The following APELA variants were observed in gnomAD, a reference collection of about 807,000 sequenced individuals.
APELA encodes protein Elabela.
At chr4:164,885,664 C>G (rs112218236) in intron 2 of APELA, among the ~76,000 whole-genome samples, 1 of 151,902 alleles carries the variant, frequency 6.6e-6, no homozygotes, top group Non-Finnish European at 1.5e-5. Context: ...TCACTTGAAC[C>G]CAGGAGGCGG....
At chr4:164,884,302 T>A in intron 2 of APELA, among the ~76,000 whole-genome samples, 1 of 152,160 alleles carries the variant, frequency 6.6e-6, no homozygotes, top group Non-Finnish European at 1.5e-5. Context: ...GTTCTCTTCA[T>A]CTCTTCAAAG....
chr4:164,898,470 C>G (rs970431821), downstream of APELA, among the ~76,000 whole-genome samples: 1 of 150,024 alleles, frequency 6.7e-6, no homozygotes, highest in Non-Finnish European at 1.5e-5. Context: ...CCATTGCACT[C>G]CAGCCTGGGC....
chr4:164,882,907 A>G (rs1262111572), intron 2 of APELA, among the ~76,000 whole-genome samples: 1 of 152,160 alleles, frequency 6.6e-6, no homozygotes, highest in East Asian at 1.9e-4. Context: ...CCATGTCCCT[A>G]CAAAGGACAT....
intron 2 of APELA, among the ~76,000 whole-genome samples, chr4:164,882,577 A>ACAT (rs901064436): frequency 1.1e-4 from 16 of 150,918 alleles, no homozygotes; most frequent in Admixed American, 2.0e-4. Context: ...GTCTTTTAAT[A>ACAT]CATTATTATT....
At chr4:164,882,505 T>C (rs1730672853) in intron 2 of APELA, among the ~76,000 whole-genome samples, 1 of 152,200 alleles carries the variant, frequency 6.6e-6, no homozygotes, top group African/African-American at 2.4e-5. Flanking sequence ...TTCCCCATCC[T>C]ACCCTATTGC....
intron 2 of APELA, among the ~76,000 whole-genome samples, chr4:164,894,457 C>T (rs1276789713): frequency 6.6e-6 from 1 of 151,456 alleles, no homozygotes; most frequent in Admixed American, 6.6e-5. Flanking sequence ...TGCTCTGTCA[C>T]CCAGGCTGGA....
At position 164,897,369 on chromosome 4, in the gene APELA, C is replaced by T. The variant is rs974812993; in HGVS notation, c.*1955C>T. On this transcript the variant is annotated 3_prime_UTR_variant, in exon 3 of 3. Transcript: ENST00000507152. ...ATATTTTGTACTGAAAAAGAAAACA[C>T]TTTATAGTCAAGATACATCTCATTC... 6.6e-6 allele frequency: 1 copy of T among 152,160 alleles called. No homozygotes were observed. Among genetic ancestry groups the T allele is most frequent in the African/African-American group, 2.4e-5 (1 of 41,436 alleles). 9.4% of individuals were successfully genotyped at this position (152,160 alleles called of 1,614,324 possible).
At chr4:164,893,188 T>A (rs1560861386) in intron 2 of APELA, among the ~76,000 whole-genome samples, 2 of 152,174 alleles carry the variant, frequency 1.3e-5, no homozygotes, top group Non-Finnish European at 2.9e-5. Flanking sequence ...TTAAGTGAAA[T>A]GTTAGGTATT....
chr4:164,895,233 T>C (rs1308728378), intron 2 of APELA, among the ~76,000 whole-genome samples, 183 bp from the exon 3 acceptor site: 1 of 152,182 alleles, frequency 6.6e-6, no homozygotes, highest in Non-Finnish European at 1.5e-5. Flanking sequence ...TTCAGCCTTT[T>C]AAAGACACAT....
intron 2 of APELA, among the ~76,000 whole-genome samples, chr4:164,885,753 A>G (rs1730758270): frequency 6.6e-6 from 1 of 152,002 alleles, no homozygotes; most frequent in Non-Finnish European, 1.5e-5. Flanking sequence ...AAAAAAAAAG[A>G]TGAAATGAAA....
At chr4:164,884,121 G>GAAAGAAAGGA (rs5863729) in intron 2 of APELA, among the ~76,000 whole-genome samples, 1 of 113,290 alleles carries the variant, frequency 8.8e-6, no homozygotes, top group African/African-American at 3.7e-5. Flanking sequence ...AAGAAAGAAA[G>GAAAGAAAGGA]AGAAAGAAAG....
chr4:164,882,606 A>G (rs1730674594), intron 2 of APELA, among the ~76,000 whole-genome samples: 1 of 151,856 alleles, frequency 6.6e-6, no homozygotes, highest in Non-Finnish European at 1.5e-5. Context: ...TAATTTCATT[A>G]TTATTATACT....
rs1730979533 is a variant in APELA at position 164,896,522 on chromosome 4, G to A, written c.*1108G>A. 6.6e-6 allele frequency: 1 copy of A among 151,926 alleles called. No homozygotes were observed. The highest frequency in any genetic ancestry group is 2.1e-4 in the South Asian group (1 of 4,808). The allele number at this position is 151,926 out of a possible 1,614,324, so 9.4% of individuals were successfully genotyped here. ...GGTGATATCTGTATCTAAAAGATGAGTGCTCATCATCCTATTAGGCTTTGT... is the reference window on the plus strand; with the variant it reads ...GGTGATATCTGTATCTAAAAGATGAATGCTCATCATCCTATTAGGCTTTGT... On this transcript the variant is annotated 3_prime_UTR_variant, in exon 3 of 3. Transcript: ENST00000507152.
chr4:164,887,000 G>C (rs941292626), intron 2 of APELA, among the ~76,000 whole-genome samples: 1 of 151,562 alleles, frequency 6.6e-6, no homozygotes, highest in East Asian at 1.9e-4. Context: ...TAATTTTTTT[G>C]TATTTTTAGT....
intron 2 of APELA, among the ~76,000 whole-genome samples, chr4:164,888,560 T>C (rs1730822260): frequency 6.6e-6 from 1 of 152,200 alleles, no homozygotes; most frequent in African/African-American, 2.4e-5. Flanking sequence ...CTGGGCTGGT[T>C]GCTGCAGTTT....
chr4:164,898,486 G>A (rs1466609841), downstream of APELA, among the ~76,000 whole-genome samples: 1 of 136,804 alleles, frequency 7.3e-6, no homozygotes, highest in Non-Finnish European at 1.5e-5. Context: ...TGGGCAACAA[G>A]AGCAAAACTC....
intron 2 of APELA, among the ~76,000 whole-genome samples, chr4:164,884,115 AAGAAAG>A (rs202240033): frequency 0.24 from 11,882 of 49,336 alleles, 665 homozygotes; most frequent in African/African-American, 0.3. Flanking sequence ...GAAAGAAAGA[AAGAAAG>A]AGAAAGAAAG....
chr4:164,898,840 C>T (rs1731024324), downstream of APELA: 1 of 152,022 alleles, frequency 6.6e-6, no homozygotes, highest in Non-Finnish European at 1.5e-5. Context: ...TCATTTTTAC[C>T]CTCTGTTTAG....
chr4:164,893,064 T>C lies in APELA; in HGVS notation c.*2-2352T>C, dbSNP rs374203114. ...TTCCAAAGAAACAACTTTGGTTTTG[T>C]TGATTTTTGCTATGGTTTTTCCATT... is the stretch of plus-strand genomic sequence containing the variant. On this transcript the variant is annotated intron_variant, in intron 2 of 2. Coordinates refer to ENST00000507152, the MANE Select transcript of APELA (RefSeq NM_001297550.2). 4.6e-5 allele frequency among the ~76,000 whole-genome samples: 7 copies of C among 152,308 alleles called. No individual in the cohort carries two copies. In the South Asian group the frequency reaches 1.2e-3, roughly 27 times the overall value.
Sources: allele counts gnomAD v4.1 joint callset (sites outside exome capture counted in the v4.1 genomes callset), GRCh38; gene constraint gnomAD v4.1.1; transcripts MANE v1.5; gene names NCBI Gene and HGNC (gene_info 2026-07-23, HGNC 2026-07-21).